CCSER1: variants seen among roughly 807,000 people sequenced by gnomAD.
The protein encoded by CCSER1 is serine-rich coiled-coil domain-containing protein 1.
Under a neutral mutation model 82.0 loss-of-function variants are expected in CCSER1, and 41 were observed. The ratio of observed to expected loss-of-function variants is 0.50; its 90% CI spans 0.39 to 0.65. CCSER1 has a LOEUF of 0.65. Ranked by LOEUF, CCSER1 falls within the 30% of genes least tolerant of loss-of-function variation. The pLI is 0.00. For synonymous variants in CCSER1, 414 were observed against 383.9 expected, an observed-to-expected ratio of 1.08 and a Z score of -0.92; for missense variants, 1,119 against 1,064.2, an observed-to-expected ratio of 1.05 and a Z score of -0.72.
intron 9 of CCSER1, among the ~76,000 whole-genome samples, chr4:90,941,368 A>G (rs1019856173): frequency 2.6e-5 from 4 of 152,100 alleles, no homozygotes; most frequent in Admixed American, 6.6e-5. Flanking sequence ...CTAAAGTAAT[A>G]TGTTATTATA....
intron 10 of CCSER1, among the ~76,000 whole-genome samples, chr4:91,346,932 C>A (rs2149294240): frequency 6.6e-6 from 1 of 152,122 alleles, no homozygotes; most frequent in South Asian, 2.1e-4. Context: ...TCTATAGTTT[C>A]TCCTTTCTTT....
intron 10 of CCSER1, among the ~76,000 whole-genome samples, chr4:91,276,612 A>G (rs947781144): frequency 6.6e-6 from 1 of 151,838 alleles, no homozygotes; most frequent in East Asian, 1.9e-4. Context: ...TTTTACTTCC[A>G]TTTTTTCAAT....
intron 5 of CCSER1, among the ~76,000 whole-genome samples, chr4:90,534,441 T>TTTTG (rs1553935627): frequency 2.9e-5 from 4 of 136,394 alleles, no homozygotes; most frequent in African/African-American, 8.2e-5. Flanking sequence ...TGCCAGCCTT[T>TTTTG]TGTGTGTGTG....
intron 10 of CCSER1, among the ~76,000 whole-genome samples, chr4:91,186,122 TG>T (rs1734510206): frequency 6.6e-6 from 1 of 152,162 alleles, no homozygotes; most frequent in South Asian, 2.1e-4. Context: ...GAACAGTCAC[TG>T]GGGCAACTAC....
rs13151186 is a variant in CCSER1, at chr4:90,839,036, A to G, written c.2094+23191A>G. On this transcript the variant is annotated intron_variant, in intron 8 of 10. Coordinates refer to ENST00000509176, the MANE Select transcript of CCSER1 (RefSeq NM_001145065.2). Reference sequence around the variant, plus strand: ...CTCAGCCATATCGGGTTTGTCAGACATGGTTGCGGAGGAAAAGCGGAGCGA... The same window carrying G: ...CTCAGCCATATCGGGTTTGTCAGACGTGGTTGCGGAGGAAAAGCGGAGCGA... The G allele has an allele frequency of 3.1e-6, 5 of 1,612,206 alleles. No individual in the cohort carries two copies. The Admixed American group carries it at 5.0e-5, about 16-fold the overall frequency.
At chr4:90,754,297 GTATTT>G (rs1749160475) in intron 7 of CCSER1, among the ~76,000 whole-genome samples, 1 of 152,118 alleles carries the variant, frequency 6.6e-6, no homozygotes, top group Admixed American at 6.6e-5. Flanking sequence ...ATTTCATGTT[GTATTT>G]TATTTTAACA....
intron 8 of CCSER1, among the ~76,000 whole-genome samples, chr4:90,922,090 G>A (rs957169675): frequency 6.6e-6 from 1 of 151,874 alleles, no homozygotes; most frequent in Non-Finnish European, 1.5e-5. Context: ...ATTTTTCTCT[G>A]ACTAGCAGCA....
intron 4 of CCSER1, among the ~76,000 whole-genome samples, chr4:90,456,622 T>C (rs1410658544): frequency 1.3e-5 from 2 of 152,058 alleles, no homozygotes; most frequent in African/African-American, 4.8e-5. Context: ...AAGCCAACAT[T>C]CCCAACACCC....
At chr4:90,668,495 T>C (rs758140238) in intron 6 of CCSER1, among the ~76,000 whole-genome samples, 8 of 152,186 alleles carry the variant, frequency 5.3e-5, no homozygotes, top group Non-Finnish European at 8.8e-5. Context: ...GCTATGTGAA[T>C]TGAATGTCAT....
At chr4:91,078,574 A>T (rs1367204422) in intron 9 of CCSER1, among the ~76,000 whole-genome samples, 3 of 152,244 alleles carry the variant, frequency 2.0e-5, no homozygotes, top group African/African-American at 7.2e-5. Context: ...CTGGACAGAG[A>T]ATGACTTTGA....
intron 8 of CCSER1, among the ~76,000 whole-genome samples, chr4:90,816,787 G>T (rs971071761): frequency 6.6e-5 from 10 of 152,074 alleles, no homozygotes; most frequent in South Asian, 2.1e-4. Flanking sequence ...TTACAAAACA[G>T]ACTTTATAGA....
intron 9 of CCSER1, among the ~76,000 whole-genome samples, chr4:91,079,159 G>C (rs1308908432): frequency 6.6e-6 from 1 of 152,082 alleles, no homozygotes; most frequent in Non-Finnish European, 1.5e-5. Context: ...AAGGAAAAAA[G>C]GTTAAGGGCA....
chr4:91,439,150 G>A (rs1029637975), intron 10 of CCSER1, among the ~76,000 whole-genome samples: 6 of 151,992 alleles, frequency 3.9e-5, no homozygotes, highest in African/African-American at 9.7e-5. Context: ...GATACTCCTC[G>A]AGAAGAGCAA....
At chr4:90,180,288 G>A (rs1470893758) in intron 1 of CCSER1, among the ~76,000 whole-genome samples, 5 of 151,944 alleles carry the variant, frequency 3.3e-5, no homozygotes. Context: ...TTGAAATTAA[G>A]AGTAAAGAGA....
chr4:91,226,771 A>G (rs753869302), intron 10 of CCSER1, among the ~76,000 whole-genome samples: 1 of 151,982 alleles, frequency 6.6e-6, no homozygotes, highest in Non-Finnish European at 1.5e-5. Context: ...CATTTGCACA[A>G]TGGAGTTTGC....
At chr4:91,483,552 C>CA (rs1250623713) in intron 10 of CCSER1, among the ~76,000 whole-genome samples, 5 of 151,976 alleles carry the variant, frequency 3.3e-5, no homozygotes. Flanking sequence ...TCTCCTGCCT[C>CA]AGCCTCCCAA....
At chr4:91,562,830 CTT>C (rs781283807) in intron 10 of CCSER1, among the ~76,000 whole-genome samples, 30 of 151,618 alleles carry the variant, frequency 2.0e-4, no homozygotes, top group Admixed American at 1.1e-3. Flanking sequence ...GATGTGAAGA[CTT>C]TTCAGGAAAT....
At chr4:90,967,571 C>T (rs1158714031) in intron 9 of CCSER1, among the ~76,000 whole-genome samples, 1 of 151,826 alleles carries the variant, frequency 6.6e-6, no homozygotes, top group Non-Finnish European at 1.5e-5. Context: ...GGATTATAGA[C>T]CTAAATGTAA....
At chr4:90,900,741 A>T (rs1047915107) in intron 8 of CCSER1, among the ~76,000 whole-genome samples, 1 of 152,030 alleles carries the variant, frequency 6.6e-6, no homozygotes, top group African/African-American at 2.4e-5. Context: ...AGAATGTTCC[A>T]TGAGCAGATA....
Sources: gnomAD v4.1 joint callset for allele counts (sites outside exome capture counted in the v4.1 genomes callset) on GRCh38, gnomAD v4.1.1 for gene constraint, MANE v1.5 for transcripts, NCBI Gene and HGNC (gene_info 2026-07-23, HGNC 2026-07-21) for gene names.